Variants in SCEL observed in about 807,000 individuals in gnomAD.
SCEL encodes the protein sciellin.
SCEL carries 113 observed loss-of-function variants against 117.6 expected under a neutral mutation model. The ratio of observed to expected loss-of-function variants is 0.96; its 90% CI spans 0.83 to 1.12. SCEL has a LOEUF of 1.12. Among genes scored for constraint, SCEL ranks in the 50% most tolerant of loss-of-function variants. The pLI is 0.00. For synonymous variants in SCEL, 270 were observed against 256.2 expected (o/e 1.05, Z -0.51); for missense variants, 785 against 810.8 (o/e 0.97, Z 0.39).
At chr13:77,629,035 A>AATTACAAGTAAAT (rs1275851348) in intron 28 of SCEL, among the ~76,000 whole-genome samples, 3 of 152,192 alleles carry the variant, frequency 2.0e-5, no homozygotes, top group Non-Finnish European at 4.4e-5. Context: ...GGGTAAAAAA[A>AATTACAAGTAAAT]ATTACAAGTA....
chr13:77,586,843 ATCTTTATG>A (rs2086593432), intron 9 of SCEL, among the ~76,000 whole-genome samples: 1 of 152,238 alleles, frequency 6.6e-6, no homozygotes, highest in East Asian at 1.9e-4. Flanking sequence ...TGAGATATTT[ATCTTTATG>A]TTCTGTGCTT....
intron 1 of SCEL, among the ~76,000 whole-genome samples, chr13:77,545,742 G>GA (rs1345998488): frequency 1.3e-5 from 2 of 152,236 alleles, no homozygotes; most frequent in Non-Finnish European, 2.9e-5. Flanking sequence ...AAGAGAAGAA[G>GA]AGAGCAGCGA....
intron 27 of SCEL, among the ~76,000 whole-genome samples, chr13:77,625,398 G>A (rs1666110436): frequency 2.0e-5 from 3 of 152,264 alleles, no homozygotes; most frequent in African/African-American, 7.2e-5. Flanking sequence ...TAAATTTGCA[G>A]GATTTATGCT....
chr13:77,544,784 G>A (rs984171403), intron 1 of SCEL, among the ~76,000 whole-genome samples: 20 of 152,208 alleles, frequency 1.3e-4, no homozygotes, highest in African/African-American at 4.8e-4. Flanking sequence ...AGGAGATGCT[G>A]ATAGTTTCAA....
intron 10 of SCEL, among the ~76,000 whole-genome samples, 192 bp from the exon 11 acceptor site, chr13:77,591,203 A>T (rs1299696663): frequency 1.3e-5 from 2 of 152,318 alleles, no homozygotes; most frequent in East Asian, 3.9e-4. Context: ...TGCGATAAAG[A>T]TAGATTAAAT....
intron 28 of SCEL, among the ~76,000 whole-genome samples, chr13:77,632,988 A>C (rs759595685): frequency 6.6e-6 from 1 of 152,250 alleles, no homozygotes; most frequent in Non-Finnish European, 1.5e-5. Flanking sequence ...AAAATGTTAC[A>C]GGAACCAATT....
intron 30 of SCEL, among the ~76,000 whole-genome samples, chr13:77,639,831 G>T (rs2154407249): frequency 6.6e-6 from 1 of 152,106 alleles, no homozygotes; most frequent in Middle Eastern, 3.4e-3. Flanking sequence ...GAAATGTCAG[G>T]CCTGCATGCT....
chr13:77,634,779 C>G (rs1271774685), intron 29 of SCEL, among the ~76,000 whole-genome samples: 1 of 152,128 alleles, frequency 6.6e-6, no homozygotes, highest in Non-Finnish European at 1.5e-5. Context: ...TATTCCTATA[C>G]TAATTTGGAG....
At chr13:77,538,068 T>G (rs2083498254) in intron 1 of SCEL, among the ~76,000 whole-genome samples, 1 of 152,040 alleles carries the variant, frequency 6.6e-6, no homozygotes, top group Non-Finnish European at 1.5e-5. Flanking sequence ...TATTAATTGC[T>G]GCATACATAG....
At chr13:77,600,424 C>A (rs920946116) in intron 15 of SCEL, among the ~76,000 whole-genome samples, 2 of 152,106 alleles carry the variant, frequency 1.3e-5, no homozygotes, top group Non-Finnish European at 2.9e-5. Flanking sequence ...CCACCACGCC[C>A]GGCCACCACT....
At chr13:77,630,054 G>A (rs1488128679) in intron 28 of SCEL, among the ~76,000 whole-genome samples, 1 of 152,108 alleles carries the variant, frequency 6.6e-6, no homozygotes, top group Non-Finnish European at 1.5e-5. Flanking sequence ...CTGGCTTTGG[G>A]GAAAACAGGT....
chr13:77,562,309 G>A (rs2085029424), intron 4 of SCEL, among the ~76,000 whole-genome samples: 1 of 152,114 alleles, frequency 6.6e-6, no homozygotes, highest in Non-Finnish European at 1.5e-5. Context: ...GGGGACAGAT[G>A]GCCCTCCGGC....
At chr13:77,633,021 A>G (rs1192488927) in intron 28 of SCEL, among the ~76,000 whole-genome samples, 1 of 152,266 alleles carries the variant, frequency 6.6e-6, no homozygotes, top group African/African-American at 2.4e-5. Flanking sequence ...TGTCCTTGAT[A>G]AAAAGGGCAA....
At chr13:77,641,888 G>T (rs1853480) in intron 31 of SCEL, among the ~76,000 whole-genome samples, 150,540 of 152,268 alleles carry the variant, frequency 0.99, 74,431 homozygotes, top group East Asian at 1. Flanking sequence ...TGTACAGAAT[G>T]CTATATAAAA....
chr13:77,578,942 A>G (rs894620217), intron 9 of SCEL, among the ~76,000 whole-genome samples: 6 of 152,186 alleles, frequency 3.9e-5, no homozygotes, highest in Non-Finnish European at 8.8e-5. Context: ...GTATCTTTAG[A>G]GTGAAGATAC....
chr13:77,560,001 G>T (rs2084883998), intron 4 of SCEL, 138 bp downstream of exon 4: 3 of 749,986 alleles, frequency 4.0e-6, no homozygotes, highest in South Asian at 3.4e-5. Context: ...AGGAGAATCT[G>T]TGATATCATC....
intron 12 of SCEL, among the ~76,000 whole-genome samples, chr13:77,596,630 G>A (rs980853463): frequency 3.3e-5 from 5 of 151,900 alleles, no homozygotes; most frequent in Admixed American, 6.6e-5. Flanking sequence ...ACTTGAATGC[G>A]TAACTACTGA....
intron 9 of SCEL, among the ~76,000 whole-genome samples, chr13:77,580,286 C>T (rs1352897990): frequency 6.6e-6 from 1 of 152,128 alleles, no homozygotes; most frequent in South Asian, 2.1e-4. Context: ...TATGATCTGC[C>T]CGAAAGCCTG....
intron 9 of SCEL, among the ~76,000 whole-genome samples, chr13:77,584,575 T>C (rs1839915065): frequency 6.6e-6 from 1 of 152,188 alleles, no homozygotes; most frequent in African/African-American, 2.4e-5. Flanking sequence ...CTAGACATTT[T>C]AAAATGGAAG....
Sources: allele counts gnomAD v4.1 joint callset (sites outside exome capture counted in the v4.1 genomes callset), GRCh38; gene constraint gnomAD v4.1.1; transcripts MANE v1.5; gene names NCBI Gene and HGNC (gene_info 2026-07-23, HGNC 2026-07-21).